FAM184A: variants seen among roughly 807,000 people sequenced by gnomAD.
FAM184A encodes family with sequence similarity 184 member A, also known as protein FAM184A.
A neutral mutation model predicts 143.8 loss-of-function variants in FAM184A; 99 were observed. That is an observed-to-expected ratio of 0.69 (90% confidence interval 0.58 to 0.81). The LOEUF is 0.81. Ranked by LOEUF, FAM184A falls within the 40% of genes least tolerant of loss-of-function variation. The pLI is 0.00. For missense variants in FAM184A, 1,217 were observed against 1,310.5 expected (o/e 0.93, Z 1.10); for synonymous variants, 427 against 446.4 (o/e 0.96, Z 0.55).
intron 1 of FAM184A, among the ~76,000 whole-genome samples, chr6:119,143,450 C>T (rs1227084687): frequency 1.3e-5 from 2 of 152,182 alleles, no homozygotes; most frequent in Non-Finnish European, 2.9e-5. Flanking sequence ...TGCAGCAATT[C>T]CACATCTGGG....
chr6:118,978,229 C>T (rs1783906017), intron 11 of FAM184A, among the ~76,000 whole-genome samples: 2 of 152,132 alleles, frequency 1.3e-5, no homozygotes, highest in African/African-American at 4.8e-5. Flanking sequence ...TCCCAAAGTA[C>T]TGGGATTAGA....
In FAM184A at chr6:119,078,416, C is replaced by T. The variant is rs1169321391; in HGVS notation, c.-117G>A. On this transcript the variant is annotated 5_prime_UTR_variant, in exon 1 of 18. Coordinates refer to ENST00000338891, the MANE Select transcript of FAM184A (RefSeq NM_024581.6). This position sits in a 1 kb window ranked among gnomAD's most constrained non-coding sequence, Gnocchi z 5.5. ...CCGCTTCCCGACCCGACACCCGGCG[C>T]CCCCCAGACTCGGCCGCAGGCGCCG... 2 of 1,076,682 alleles carry T rather than the reference C, an allele frequency of 1.9e-6. No homozygotes were observed. Among genetic ancestry groups the T allele is most frequent in the Non-Finnish European group, 2.5e-6 (2 of 805,732 alleles). The allele number at this position is 1,076,682 out of a possible 1,614,324, so 66.7% of individuals were successfully genotyped here.
At chr6:119,028,420 C>T (rs892266146) in intron 1 of FAM184A, among the ~76,000 whole-genome samples, 2 of 152,174 alleles carry the variant, frequency 1.3e-5, no homozygotes, top group South Asian at 2.1e-4. Flanking sequence ...TGTGACTATA[C>T]AGTTGGAACT....
intron 1 of FAM184A, among the ~76,000 whole-genome samples, chr6:119,129,388 A>G (rs1411172855): frequency 6.6e-6 from 1 of 152,148 alleles, no homozygotes; most frequent in Non-Finnish European, 1.5e-5. Context: ...AAAACCATCC[A>G]TGAAGCAGAT....
intron 1 of FAM184A, among the ~76,000 whole-genome samples, chr6:119,095,343 G>A (rs903437696): frequency 6.6e-6 from 1 of 152,142 alleles, no homozygotes; most frequent in African/African-American, 2.4e-5. Flanking sequence ...GAGAGGCATT[G>A]GTGAGTTCCT....
upstream of FAM184A, among the ~76,000 whole-genome samples, chr6:119,081,648 A>C (rs1187938012): frequency 6.6e-6 from 1 of 152,132 alleles, no homozygotes; most frequent in Non-Finnish European, 1.5e-5. Flanking sequence ...GAATGAGTGC[A>C]AGGTTTTATT....
At chr6:119,101,816 G>A (rs1788644476) in intron 1 of FAM184A, among the ~76,000 whole-genome samples, 1 of 152,148 alleles carries the variant, frequency 6.6e-6, no homozygotes, top group Admixed American at 6.5e-5. Context: ...AGCACTTTGG[G>A]AGGCTGAGGT....
intron 1 of FAM184A, among the ~76,000 whole-genome samples, chr6:119,130,552 A>G (rs574687568): frequency 7.9e-5 from 12 of 152,330 alleles, no homozygotes; most frequent in Admixed American, 7.2e-4. Flanking sequence ...GAAGATACTC[A>G]TTGATTTATA....
intron 1 of FAM184A, among the ~76,000 whole-genome samples, chr6:119,146,397 CGT>C (rs60937351): frequency 0.26 from 35,942 of 135,968 alleles, 4,440 homozygotes; most frequent in East Asian, 0.44. Context: ...GATTAACTTA[CGT>C]GTGTGTGTGT....
intron 7 of FAM184A, among the ~76,000 whole-genome samples, chr6:119,004,914 A>T (rs1403102294): frequency 6.6e-6 from 1 of 152,218 alleles, no homozygotes; most frequent in Non-Finnish European, 1.5e-5. Flanking sequence ...AAAATACCTT[A>T]AAGTCAGGAA....
intron 9 of FAM184A, among the ~76,000 whole-genome samples, chr6:118,997,415 C>T (rs1025101426): frequency 6.6e-5 from 10 of 151,774 alleles, no homozygotes; most frequent in Admixed American, 1.3e-4. Context: ...AGCAGCCGGG[C>T]GCAGTGGCTC....
intron 9 of FAM184A, among the ~76,000 whole-genome samples, chr6:118,997,278 TCACCTCAAAG>T (rs1784597396): frequency 7.4e-6 from 1 of 134,716 alleles, no homozygotes; most frequent in Non-Finnish European, 1.5e-5. Flanking sequence ...TGAGCCAAGA[TCACCTCAAAG>T]CACTCCAGCC....
chr6:119,048,622 C>T (rs775206575), intron 1 of FAM184A, among the ~76,000 whole-genome samples: 2 of 152,156 alleles, frequency 1.3e-5, no homozygotes, highest in Non-Finnish European at 1.5e-5. Context: ...AAGGCAATTC[C>T]GTTCACAATT....
intron 1 of FAM184A, among the ~76,000 whole-genome samples, chr6:119,134,776 C>T (rs1351076407): frequency 6.6e-6 from 1 of 152,040 alleles, no homozygotes; most frequent in Non-Finnish European, 1.5e-5. Context: ...GAAGAGTTAA[C>T]AGAATGTGAG....
At chr6:119,038,003 A>C (rs1339691021) in intron 1 of FAM184A, among the ~76,000 whole-genome samples, 1 of 152,234 alleles carries the variant, frequency 6.6e-6, no homozygotes, top group African/African-American at 2.4e-5. Context: ...GTAAAACCTT[A>C]GTGTTGAGAG....
intron 1 of FAM184A, among the ~76,000 whole-genome samples, chr6:119,077,846 G>A (rs1026087930): frequency 1.3e-5 from 2 of 152,242 alleles, no homozygotes; most frequent in Admixed American, 1.3e-4. Flanking sequence ...AAGTGATTTA[G>A]TATTGTGAAA....
intron 1 of FAM184A, among the ~76,000 whole-genome samples, chr6:119,118,652 T>C (rs1454763460): frequency 6.6e-6 from 1 of 152,212 alleles, no homozygotes; most frequent in East Asian, 1.9e-4. Flanking sequence ...TCAATACCCT[T>C]GTGATTTCCT....
intron 14 of FAM184A, among the ~76,000 whole-genome samples, chr6:118,969,916 T>C (rs1783624799): frequency 2.2e-5 from 3 of 139,018 alleles, no homozygotes; most frequent in Non-Finnish European, 4.6e-5. Context: ...TGTTCCTGCA[T>C]ACACAGCTGT....
Position 119,003,543 on chromosome 6 carries a change from T to C in FAM184A, c.1895A>G (p.Lys632Arg), listed in dbSNP as rs1340936326. The change falls in exon 8 of 18, where the codon AAA becomes AGA. Residue 632 changes from lysine (K) to arginine (R), a missense_variant. Coordinates refer to ENST00000338891, the MANE Select transcript of FAM184A (RefSeq NM_024581.6). ...CTTAATTTCTAAGTCATGGGCCATT[T>C]TGTCCACTTTGAGCTTCTCTTCTTC... ...MKEEEKLKVDKMAHDLEIKWT... is the reference protein window; with the variant it reads ...MKEEEKLKVDRMAHDLEIKWT... The C allele has an allele frequency of 2.5e-6, 4 of 1,613,198 alleles. No homozygotes were observed. The African/African-American group carries it at 5.3e-5, about 22-fold the overall frequency.
Sources: allele counts gnomAD v4.1 joint callset (sites outside exome capture counted in the v4.1 genomes callset), GRCh38; gene constraint gnomAD v4.1.1; non-coding constraint Gnocchi (gnomAD v3.1); transcripts MANE v1.5; gene names NCBI Gene and HGNC (gene_info 2026-07-23, HGNC 2026-07-21).